The following SGCD variants were observed in gnomAD, a reference collection of about 807,000 sequenced individuals.
SGCD encodes delta-sarcoglycan.
In SGCD, 18 loss-of-function variants were observed where a neutral mutation model predicts 36.6. The observed-to-expected ratio is 0.49, with a 90% confidence interval of 0.34 to 0.73. SGCD has a LOEUF of 0.73. Among genes scored for constraint, SGCD ranks in the 30% least tolerant of loss-of-function variants. SGCD has a pLI of 0.01. For synonymous variants in SGCD, 133 were observed against 130.6 expected (o/e 1.02, Z -0.12); for missense variants, 387 against 346.7 (o/e 1.12, Z -0.92).
At chr5:155,892,089 T>A (rs1462790010) in intron 1 of SGCD, among the ~76,000 whole-genome samples, 1 of 152,176 alleles carries the variant, frequency 6.6e-6, no homozygotes, top group East Asian at 1.9e-4. Flanking sequence ...GATGAATAAA[T>A]TAGACACGTA....
chr5:156,024,936 C>T (rs1376737899), intron 1 of SGCD, among the ~76,000 whole-genome samples: 1 of 144,840 alleles, frequency 6.9e-6, no homozygotes, highest in East Asian at 2.0e-4. Flanking sequence ...CCAGCCTGGG[C>T]AACAGTGCGA....
chr5:156,653,117 T>C (rs995242083), intron 7 of SGCD, among the ~76,000 whole-genome samples: 21 of 152,096 alleles, frequency 1.4e-4, no homozygotes, highest in Non-Finnish European at 3.1e-4. Context: ...CTAGAACAAA[T>C]TAAGGAGGAG....
At chr5:156,647,385 C>A in intron 6 of SGCD, 79 bp from the exon 7 acceptor site, 1 of 916,530 alleles carries the variant, frequency 1.1e-6, no homozygotes, top group Non-Finnish European at 1.7e-6. Flanking sequence ...CTGCATTTAG[C>A]TCCAATCAGT....
At chr5:156,047,503 A>C (rs569543166) in intron 1 of SGCD, among the ~76,000 whole-genome samples, 1 of 152,272 alleles carries the variant, frequency 6.6e-6, no homozygotes, top group South Asian at 2.1e-4. Flanking sequence ...ACTGATACTG[A>C]AAATTCTAGG....
intron 3 of SGCD, among the ~76,000 whole-genome samples, chr5:156,199,340 C>T (rs1002383877): frequency 2.0e-5 from 3 of 152,066 alleles, no homozygotes; most frequent in Admixed American, 2.0e-4. Flanking sequence ...AGGCATCTGA[C>T]AATTTTCAAC....
the SGCD span, among the ~76,000 whole-genome samples, chr5:155,817,885 T>C: frequency 6.6e-6 from 1 of 152,196 alleles, no homozygotes; most frequent in South Asian, 2.1e-4. Context: ...CAGTAACAGA[T>C]ACATATACTT....
At chr5:156,120,018 T>A (rs1761997261) in intron 2 of SGCD, among the ~76,000 whole-genome samples, 1 of 152,206 alleles carries the variant, frequency 6.6e-6, no homozygotes, top group Non-Finnish European at 1.5e-5. Context: ...TTCTTGACAT[T>A]ATTTTCTTTC....
At chr5:156,743,671 C>T (rs1246137959) in intron 7 of SGCD, among the ~76,000 whole-genome samples, 1 of 152,158 alleles carries the variant, frequency 6.6e-6, no homozygotes, top group Non-Finnish European at 1.5e-5. Context: ...CTCTAGAGGA[C>T]ATATCACTGC....
chr5:155,787,882 G>A, the SGCD span, among the ~76,000 whole-genome samples: 130 of 152,226 alleles, frequency 8.5e-4, 1 homozygote, highest in Admixed American at 4.4e-3. Context: ...TGCCCATTCC[G>A]TCTTTTGCCT....
chr5:156,155,357 T>C (rs757334015), intron 3 of SGCD, among the ~76,000 whole-genome samples: 1 of 151,566 alleles, frequency 6.6e-6, no homozygotes, highest in Non-Finnish European at 1.5e-5. Flanking sequence ...AGCTGTAAAA[T>C]ACTGTGAGTG....
At chr5:155,960,903 G>A (rs577359316) in intron 1 of SGCD, among the ~76,000 whole-genome samples, 6 of 152,114 alleles carry the variant, frequency 3.9e-5, no homozygotes, top group South Asian at 2.1e-4. Flanking sequence ...CAGGCTCCCC[G>A]TCACTACTGT....
Position 156,078,509 on chromosome 5 carries a change from TCA to T in SGCD, c.-281-39368_-281-39367del, listed in dbSNP as rs1491507947. On this transcript the variant is annotated intron_variant, in intron 1 of 9. Transcript: ENST00000517913. Reference sequence around the variant, plus strand: ...GCCTGGGCAACAAAGTAAGACTGTCTCAAAAAAAAAAATATATATATATATAT... The same window carrying T: ...GCCTGGGCAACAAAGTAAGACTGTCTAAAAAAAAAATATATATATATATAT... Among the ~76,000 whole-genome samples, 28 of 117,166 alleles carry T rather than the reference TCA, an allele frequency of 2.4e-4. No individual in the cohort carries two copies. The South Asian group carries it at 6.9e-3, about 29-fold the overall frequency. 76.9% of individuals were successfully genotyped at this position (117,166 alleles called of 152,430 possible).
At chr5:156,617,033 C>G (rs1227812791) in intron 6 of SGCD, among the ~76,000 whole-genome samples, 2 of 152,166 alleles carry the variant, frequency 1.3e-5, no homozygotes, top group African/African-American at 4.8e-5. Context: ...CTTCTTCAGG[C>G]TAGTTATCAC....
intron 3 of SGCD, among the ~76,000 whole-genome samples, chr5:156,316,546 C>T (rs1232460548): frequency 6.6e-6 from 1 of 151,930 alleles, no homozygotes; most frequent in African/African-American, 2.4e-5. Flanking sequence ...TCCCTGATTT[C>T]AAATTATATT....
chr5:155,967,459 A>G (rs911261165), intron 1 of SGCD, among the ~76,000 whole-genome samples: 5 of 151,982 alleles, frequency 3.3e-5, no homozygotes, highest in African/African-American at 9.7e-5. Flanking sequence ...AATAACTGCA[A>G]TTTACTAGGA....
rs1017796563 is a variant in SGCD, at chr5:155,990,151, T to C, written c.-282+119727T>C. Among the ~76,000 whole-genome samples, 7 of 152,254 alleles carry C rather than the reference T, an allele frequency of 4.6e-5. No individual in the cohort carries two copies. The East Asian group carries it at 1.4e-3, about 29-fold the overall frequency. ...TTTCCATGTAGTGAAAAAAGCATGC[T>C]TGCAAGCTGTACAATTGAGAGGATT... On this transcript the variant is annotated intron_variant, in intron 1 of 9. Transcript: ENST00000517913.
intron 4 of SGCD, among the ~76,000 whole-genome samples, chr5:156,529,423 C>CAAAAA (rs397884521): frequency 3.4e-5 from 2 of 59,140 alleles, no homozygotes; most frequent in African/African-American, 1.3e-4. Context: ...GACTCTGTCT[C>CAAAAA]AAAAAAAAAA....
intron 7 of SGCD, among the ~76,000 whole-genome samples, chr5:156,685,252 C>T (rs912364332): frequency 6.6e-6 from 1 of 151,976 alleles, no homozygotes; most frequent in African/African-American, 2.4e-5. Flanking sequence ...CCAAGGGCAG[C>T]TCTTATCCAA....
intron 4 of SGCD, among the ~76,000 whole-genome samples, chr5:156,573,335 G>C (rs905842270): frequency 6.6e-5 from 10 of 152,158 alleles, no homozygotes; most frequent in Non-Finnish European, 1.5e-4. Context: ...ACACAAAGTT[G>C]CAACTACTTT....
Sources: gnomAD v4.1 joint callset for allele counts (sites outside exome capture counted in the v4.1 genomes callset) on GRCh38, gnomAD v4.1.1 for gene constraint, MANE v1.5 for transcripts, NCBI Gene and HGNC (gene_info 2026-07-23, HGNC 2026-07-21) for gene names.